The following CHRDL1 variants were observed in gnomAD, a reference collection of about 807,000 sequenced individuals.
CHRDL1 encodes the protein chordin like 1, also known as chordin-like protein 1.
In CHRDL1, 19 loss-of-function variants were observed where a neutral mutation model predicts 40.9. That is an observed-to-expected ratio of 0.46 (90% confidence interval 0.32 to 0.68). CHRDL1 has a LOEUF of 0.68. Ranked by LOEUF, CHRDL1 falls within the 30% of genes least tolerant of loss-of-function variation. CHRDL1 has a pLI of 0.03. For synonymous variants in CHRDL1, 136 were observed against 123.4 expected, an observed-to-expected ratio of 1.10 and a Z score of -0.68; for missense variants, 329 against 352.1, an observed-to-expected ratio of 0.93 and a Z score of 0.53.
At chrX:110,695,271 C>A (rs767183803) in intron 7 of CHRDL1, among the ~76,000 whole-genome samples, 6 of 111,648 alleles carry the variant, frequency 5.4e-5, no homozygotes, top group Non-Finnish European at 1.1e-4. Flanking sequence ...GTAAGCTCTA[C>A]GAAATCAAGG....
intron 6 of CHRDL1, among the ~76,000 whole-genome samples, chrX:110,704,656 C>A (rs181966964): frequency 9.0e-6 from 1 of 111,471 alleles, no homozygotes; most frequent in East Asian, 2.8e-4. Flanking sequence ...GGTTGCAAAT[C>A]TGGAGAGCTG....
At chrX:110,708,003 C>T (rs1389255005) in intron 6 of CHRDL1, among the ~76,000 whole-genome samples, 1 of 111,536 alleles carries the variant, frequency 9.0e-6, no homozygotes, top group Non-Finnish European at 1.9e-5. Context: ...AGACACTTCT[C>T]AAAAGAAGAC....
chrX:110,793,195 C>T (rs970718727), intron 1 of CHRDL1, among the ~76,000 whole-genome samples: 5 of 112,082 alleles, frequency 4.5e-5, no homozygotes, highest in Non-Finnish European at 7.5e-5. Flanking sequence ...GAAAGTCCAA[C>T]CTAAATATTG....
chrX:110,679,049 A>T (rs2069840114), intron 11 of CHRDL1, among the ~76,000 whole-genome samples: 1 of 111,145 alleles, frequency 9.0e-6, no homozygotes, highest in Non-Finnish European at 1.9e-5. Flanking sequence ...CCCTCTTGAG[A>T]CTCTGTGCTT....
rs991150169 is a variant in CHRDL1, at chrX:110,707,475, A to G, written c.542-6754T>C. ...ACCAATGGAACAGAACAGAGGCCTC[A>G]GAAATAATGCCACTTATCTGTAACC... On this transcript the variant is annotated intron_variant, in intron 6 of 11. Coordinates refer to ENST00000372042, the MANE Select transcript of CHRDL1 (RefSeq NM_001143981.2). 7.2e-5 allele frequency among the ~76,000 whole-genome samples: 8 copies of G among 111,732 alleles called. No individual in the cohort carries two copies. The East Asian group carries it at 1.7e-3, about 24-fold the overall frequency.
At chrX:110,701,574 G>C (rs1415576178) in intron 6 of CHRDL1, among the ~76,000 whole-genome samples, 3 of 111,884 alleles carry the variant, frequency 2.7e-5, no homozygotes, top group Non-Finnish European at 5.6e-5. Context: ...AGCACTCTGG[G>C]AGGCCGAAGT....
At chrX:110,761,537 C>T (rs562224761) in intron 3 of CHRDL1, among the ~76,000 whole-genome samples, 1 of 111,799 alleles carries the variant, frequency 8.9e-6, no homozygotes, top group Non-Finnish European at 1.9e-5. Flanking sequence ...TAGCCTAGTG[C>T]ACCACTTCTC....
chrX:110,774,559 T>C (rs1006801269), intron 2 of CHRDL1, among the ~76,000 whole-genome samples: 2 of 110,687 alleles, frequency 1.8e-5, no homozygotes, highest in Non-Finnish European at 3.8e-5. Context: ...GCAGCAGATA[T>C]ATAGGATGAA....
rs186681457 is a variant in CHRDL1 at position 110,692,859 on chromosome X, A to G, written c.778+1304T>C. 2.2e-3 allele frequency among the ~76,000 whole-genome samples: 242 copies of G among 112,424 alleles called. 1 individual carries two copies. Among genetic ancestry groups the G allele is most frequent in the Non-Finnish European group, 1.3e-3 (67 of 53,299 alleles). On this transcript the variant is annotated intron_variant, in intron 8 of 11. Coordinates refer to ENST00000372042, the MANE Select transcript of CHRDL1 (RefSeq NM_001143981.2). Reference sequence around the variant, plus strand: ...ATCTAACTAGTAACAGATGTGATCAACTAGCTTTGGCTTGACTAGCTTTGT... The same window carrying G: ...ATCTAACTAGTAACAGATGTGATCAGCTAGCTTTGGCTTGACTAGCTTTGT...
rs2089649016 is a variant in CHRDL1 at position 110,765,744 on chromosome X, T to C, written c.95-2937A>G. Among the ~76,000 whole-genome samples the C allele has an allele frequency of 2.7e-5, 3 of 111,849 alleles. No individual in the cohort carries two copies. The South Asian group carries it at 1.1e-3, about 42-fold the overall frequency. ...AATGAAATAGACAGCAACACAGTAA[T>C]AGTAGGGGACTTCAATATTCCACTG... is the stretch of plus-strand genomic sequence containing the variant. On this transcript the variant is annotated intron_variant, in intron 2 of 11. Transcript: ENST00000372042.
At chrX:110,765,818 G>C (rs2089650017) in intron 2 of CHRDL1, among the ~76,000 whole-genome samples, 1 of 111,664 alleles carries the variant, frequency 9.0e-6, no homozygotes, top group Non-Finnish European at 1.9e-5. Flanking sequence ...AGAAACAATG[G>C]ATTTAAACTA....
intron 2 of CHRDL1, among the ~76,000 whole-genome samples, chrX:110,778,325 G>A (rs1364387357): frequency 8.9e-6 from 1 of 112,126 alleles, no homozygotes; most frequent in African/African-American, 3.2e-5. Flanking sequence ...ATAGCCTACA[G>A]AATGGGAGAA....
chrX:110,720,437 T>C (rs769575183), intron 5 of CHRDL1, among the ~76,000 whole-genome samples: 1 of 112,102 alleles, frequency 8.9e-6, no homozygotes, highest in Non-Finnish European at 1.9e-5. Flanking sequence ...AGGGAGAGGA[T>C]AAAATTTACT....
intron 2 of CHRDL1, among the ~76,000 whole-genome samples, chrX:110,787,185 T>C (rs1399427573): frequency 8.9e-6 from 1 of 111,974 alleles, no homozygotes; most frequent in African/African-American, 3.2e-5. Flanking sequence ...TGCCAGCCAC[T>C]ATGCAAAGCA....
intron 2 of CHRDL1, among the ~76,000 whole-genome samples, chrX:110,789,110 ATAAG>A (rs998771714): frequency 2.7e-5 from 3 of 112,233 alleles, no homozygotes; most frequent in East Asian, 2.8e-4. Context: ...TAAAAGGTTA[ATAAG>A]TAAGTTTTTA....
intron 2 of CHRDL1, among the ~76,000 whole-genome samples, chrX:110,790,663 A>G (rs28525403): frequency 0.01 from 1,146 of 110,192 alleles, 15 homozygotes; most frequent in African/African-American, 0.036. Context: ...AATAATGTAC[A>G]TTGTACTTAT....
At chrX:110,692,291 C>A (rs753919438) in intron 8 of CHRDL1, among the ~76,000 whole-genome samples, 2 of 111,439 alleles carry the variant, frequency 1.8e-5, no homozygotes, top group South Asian at 7.6e-4. Context: ...CTCCTTACCC[C>A]AAAAATTATC....
chrX:110,764,306 A>T (rs1433281307), intron 2 of CHRDL1, among the ~76,000 whole-genome samples: 1 of 111,962 alleles, frequency 8.9e-6, no homozygotes, highest in African/African-American at 3.2e-5. Flanking sequence ...TGGTCATGAA[A>T]TCCTTGTCTA....
At chrX:110,758,520 T>C (rs775064234) in intron 4 of CHRDL1, among the ~76,000 whole-genome samples, 1 of 111,551 alleles carries the variant, frequency 9.0e-6, no homozygotes, top group Non-Finnish European at 1.9e-5. Context: ...GTTTGGGTGT[T>C]TCTTCTCCAT....
Sources: gnomAD v4.1 joint callset for allele counts (sites outside exome capture counted in the v4.1 genomes callset) on GRCh38, gnomAD v4.1.1 for gene constraint, MANE v1.5 for transcripts, NCBI Gene and HGNC (gene_info 2026-07-23, HGNC 2026-07-21) for gene names.